The following IMPG1 variants were observed in gnomAD, a reference collection of about 807,000 sequenced individuals.
The protein encoded by IMPG1 is interphotoreceptor matrix proteoglycan 1, also known as interphotoreceptor matrix proteoglycan of 150 kDa.
A neutral mutation model predicts 92.0 loss-of-function variants in IMPG1; 85 were observed. That is an observed-to-expected ratio of 0.92 (90% CI 0.78 to 1.11). The LOEUF is 1.11. Ranked by LOEUF, IMPG1 falls within the 50% of genes least tolerant of loss-of-function variation. The pLI is 0.00. For synonymous variants in IMPG1, 367 were observed against 334.1 expected, an observed-to-expected ratio of 1.10 and a Z score of -1.08; for missense variants, 1,022 against 956.0, an observed-to-expected ratio of 1.07 and a Z score of -0.91.
At chr6:75,967,198 A>G (rs932668725) in intron 12 of IMPG1, among the ~76,000 whole-genome samples, 1 of 152,102 alleles carries the variant, frequency 6.6e-6, no homozygotes, top group Non-Finnish European at 1.5e-5. Context: ...TGGAATTTAG[A>G]GGCCCAAACA....
chr6:75,950,414 A>C (rs1782002764), intron 13 of IMPG1, 148 bp downstream of exon 13: 1 of 672,730 alleles, frequency 1.5e-6, no homozygotes, highest in African/African-American at 1.8e-5. Flanking sequence ...TCATCTCAAA[A>C]TTCTAGTTGA....
chr6:76,033,927 G>T (rs1454366849), intron 4 of IMPG1, among the ~76,000 whole-genome samples: 1 of 152,162 alleles, frequency 6.6e-6, no homozygotes, highest in Non-Finnish European at 1.5e-5. Flanking sequence ...CCAAATGAGA[G>T]TTCAAAATTC....
Position 76,072,551 on chromosome 6 carries a change from A to C in IMPG1, c.-63T>G. On this transcript the variant is annotated 5_prime_UTR_variant, in exon 1 of 17. Transcript: ENST00000369950. ...CAGAACAACCTCAAATCTCATTAAA[A>C]AGTAACAGAAATGTGAAAAATAATT... 1 of 943,390 alleles carries C rather than the reference A, an allele frequency of 1.1e-6. No individual in the cohort carries two copies. The highest frequency in any genetic ancestry group is 1.6e-6 in the Non-Finnish European group (1 of 607,570). 58.4% of individuals were successfully genotyped at this position (943,390 alleles called of 1,614,324 possible).
At chr6:75,945,407 T>C (rs1012666634) in intron 14 of IMPG1, among the ~76,000 whole-genome samples, 1 of 149,812 alleles carries the variant, frequency 6.7e-6, no homozygotes, top group Non-Finnish European at 1.5e-5. Context: ...TGGAGTGCAG[T>C]GGGGGCAATT....
intron 1 of IMPG1, among the ~76,000 whole-genome samples, chr6:76,056,153 G>C (rs958989609): frequency 6.6e-5 from 10 of 152,106 alleles, no homozygotes; most frequent in Middle Eastern, 3.4e-3. Flanking sequence ...ATTTATCTCA[G>C]GAATGTAGGG....
At chr6:76,057,180 C>G (rs978268708) in intron 1 of IMPG1, among the ~76,000 whole-genome samples, 5 of 152,208 alleles carry the variant, frequency 3.3e-5, no homozygotes, top group African/African-American at 1.2e-4. Flanking sequence ...AGAAAAATAG[C>G]TAATGAATGC....
intron 14 of IMPG1, 100 bp from the exon 15 acceptor site, chr6:75,931,251 C>T (rs930621380): frequency 1.1e-5 from 12 of 1,083,134 alleles, no homozygotes; most frequent in African/African-American, 3.1e-5. Context: ...GCTATTACCT[C>T]ATTTTGGAGT....
chr6:76,067,436 G>C (rs1216242659), intron 1 of IMPG1, among the ~76,000 whole-genome samples: 1 of 152,074 alleles, frequency 6.6e-6, no homozygotes, highest in Non-Finnish European at 1.5e-5. Context: ...TGAAAACCGA[G>C]AGGAAATGGA....
At chr6:76,017,317 A>G (rs1284391015) in intron 7 of IMPG1, among the ~76,000 whole-genome samples, 1 of 152,172 alleles carries the variant, frequency 6.6e-6, no homozygotes, top group African/African-American at 2.4e-5. Flanking sequence ...AGACAGATAT[A>G]ACAAAGGTCA....
At chr6:76,003,834 C>T in intron 11 of IMPG1, 40 bp downstream of exon 11, 1 of 1,459,144 alleles carries the variant, frequency 6.9e-7, no homozygotes, top group South Asian at 1.2e-5. Context: ...GGTTTTGAGA[C>T]TTTGTTCCTA....
At chr6:75,947,559 T>C (rs1055154364) in intron 13 of IMPG1, 26 bp from the exon 14 acceptor site, 5 of 1,543,112 alleles carry the variant, frequency 3.2e-6, no homozygotes, top group Non-Finnish European at 4.5e-6. Flanking sequence ...TGGTTTCCTC[T>C]TAACTGTGTT....
chr6:76,056,672 C>A (rs537629006), intron 1 of IMPG1, among the ~76,000 whole-genome samples: 1 of 152,290 alleles, frequency 6.6e-6, no homozygotes, highest in South Asian at 2.1e-4. Context: ...GTTCCCTTTT[C>A]TCCACAACCT....
rs561732900 is a variant in IMPG1 at position 76,009,945 on chromosome 6, C to A, written c.866+1221G>T. On this transcript the variant is annotated intron_variant, in intron 8 of 16. Transcript: ENST00000369950. ...TATTCAGAAAACCTTTGCATTTATGCAGAATATTTTTCTATCAACTTTTAT... is the reference window on the plus strand; with the variant it reads ...TATTCAGAAAACCTTTGCATTTATGAAGAATATTTTTCTATCAACTTTTAT... 6.6e-5 allele frequency among the ~76,000 whole-genome samples: 10 copies of A among 152,312 alleles called. No homozygotes were observed. In the South Asian group the frequency reaches 2.1e-3, roughly 32 times the overall value.
chr6:75,942,742 G>C (rs549061438), intron 14 of IMPG1, among the ~76,000 whole-genome samples: 2 of 152,222 alleles, frequency 1.3e-5, no homozygotes, highest in East Asian at 1.9e-4. Flanking sequence ...GAAAAACTAG[G>C]AGCAAAATAG....
intron 6 of IMPG1, among the ~76,000 whole-genome samples, chr6:76,021,412 AC>A (rs1422681285): frequency 6.6e-6 from 1 of 152,122 alleles, no homozygotes; most frequent in Non-Finnish European, 1.5e-5. Flanking sequence ...TGTATCATGG[AC>A]CATGGTCACT....
chr6:75,924,102 A>G (rs1393339251), intron 15 of IMPG1, among the ~76,000 whole-genome samples: 10 of 152,014 alleles, frequency 6.6e-5, no homozygotes, highest in Non-Finnish European at 1.3e-4. Context: ...AACAAATGTT[A>G]TCGAGGATGT....
intron 1 of IMPG1, among the ~76,000 whole-genome samples, chr6:76,058,688 A>G (rs955415889): frequency 6.6e-6 from 1 of 152,134 alleles, no homozygotes; most frequent in Non-Finnish European, 1.5e-5. Flanking sequence ...GGTAGAGGGA[A>G]GTTTTGGAAA....
rs146162564 is a variant in IMPG1, at chr6:76,065,176, A to G, written c.67+7246T>C. On this transcript the variant is annotated intron_variant, in intron 1 of 16. Coordinates refer to ENST00000369950, the MANE Select transcript of IMPG1 (RefSeq NM_001563.4). Reference sequence around the variant, plus strand: ...AGAAACTCTGTGAAACTCTGGTGAAAAAACAGAGGGTTACAGGATCCCCAA... The same window carrying G: ...AGAAACTCTGTGAAACTCTGGTGAAGAAACAGAGGGTTACAGGATCCCCAA... Among the ~76,000 whole-genome samples the G allele has an allele frequency of 3.8e-4, 58 of 152,270 alleles. 1 individual carries two copies. In the East Asian group the frequency reaches 0.011, roughly 28 times the overall value.
intron 12 of IMPG1, among the ~76,000 whole-genome samples, chr6:76,000,365 A>G (rs1467552169): frequency 3.9e-5 from 6 of 152,166 alleles, no homozygotes; most frequent in Non-Finnish European, 5.9e-5. Context: ...CACCACCTCA[A>G]TCTAGTTCCC....
Sources: allele counts gnomAD v4.1 joint callset (sites outside exome capture counted in the v4.1 genomes callset), GRCh38; gene constraint gnomAD v4.1.1; transcripts MANE v1.5; gene names NCBI Gene and HGNC (gene_info 2026-07-23, HGNC 2026-07-21).